NDUFA7: variants seen among roughly 807,000 people sequenced by gnomAD.
NDUFA7 encodes the protein NADH:ubiquinone oxidoreductase subunit A7, also known as NADH dehydrogenase [ubiquinone] 1 alpha subcomplex subunit 7.
NDUFA7 carries 18 observed loss-of-function variants against 14.2 expected under a neutral mutation model. The observed-to-expected ratio is 1.27, with a 90% CI of 0.88 to 1.88. The LOEUF is 1.88. NDUFA7 is among the 40% of genes most tolerant of loss of function. NDUFA7 has a pLI of 0.00. For missense variants in NDUFA7, 172 were observed against 147.3 expected, an observed-to-expected ratio of 1.17 and a Z score of -0.87; for synonymous variants, 75 against 62.1, an observed-to-expected ratio of 1.21 and a Z score of -0.98.
At position 8,321,344 on chromosome 19, in the gene NDUFA7, G is replaced by C. The variant is rs1002075244; in HGVS notation, c.15C>G (p.Thr5=). The change falls in exon 1 of 4, where the codon ACC becomes ACG. Residue 5 remains threonine, a synonymous_variant. Transcript: ENST00000301457. MASA[T]RLIQRLRNWA... ...AGTTCCGCAGCCGCTGGATGAGACG[G>C]GTGGCGGACGCCATCTTCCGTCCGC... The C allele has an allele frequency of 1.1e-5, 17 of 1,577,958 alleles. No individual in the cohort carries two copies. Among genetic ancestry groups the C allele is most frequent in the Non-Finnish European group, 1.5e-5 (17 of 1,164,364 alleles).
At position 8,321,301 on chromosome 19, in the gene NDUFA7, C is replaced by G; in HGVS notation, c.51+7G>C. 2 of 1,566,886 alleles carry G rather than the reference C, an allele frequency of 1.3e-6. No homozygotes were observed. Among genetic ancestry groups the G allele is most frequent in the Non-Finnish European group, 1.7e-6 (2 of 1,159,388 alleles). ...CCCCATGGTGCAGCCCTGTCCGCCC[C>G]GCGCACCCCGGACGCCCAGTTCCGC... On this transcript the variant is annotated splice_region_variant and intron_variant, in intron 1 of 3. Coordinates refer to ENST00000301457, the MANE Select transcript of NDUFA7 (RefSeq NM_005001.5).
At position 8,316,587 on chromosome 19, in the gene NDUFA7, A is replaced by G; in HGVS notation, c.160T>C (p.Tyr54His). 1 of 1,614,158 alleles carries G rather than the reference A, an allele frequency of 6.2e-7. No homozygotes were observed. The highest frequency in any genetic ancestry group is 1.1e-5 in the South Asian group (1 of 91,080). ...GPSHKLSNNY[Y>H]CTRDGRRESV... ...TCCCGGCGGCCATCGCGAGTGCAAT[A>G]GTAATTGTTGGAGAGCTTGTGGCTA... The change falls in exon 3 of 4, where the codon TAT (tyrosine) becomes CAT (histidine). Residue 54 changes from tyrosine to histidine, a missense_variant. Tyr to His is a moderately conservative substitution (Grantham distance 83). Coordinates refer to ENST00000301457, the MANE Select transcript of NDUFA7 (RefSeq NM_005001.5).
chr19:8,315,441 GT>G (rs1970222116), intron 3 of NDUFA7, among the ~76,000 whole-genome samples: 1 of 152,214 alleles, frequency 6.6e-6, no homozygotes, highest in Non-Finnish European at 1.5e-5. Flanking sequence ...AGGCCTGAAG[GT>G]GGGACATGCG....
chr19:8,318,220 G>A (rs915294372), intron 2 of NDUFA7, among the ~76,000 whole-genome samples: 10 of 151,356 alleles, frequency 6.6e-5, no homozygotes, highest in African/African-American at 1.9e-4. Context: ...GTGCGATCTC[G>A]GCTCACTGCA....
chr19:8,312,145 G>A (rs1970185827), intron 3 of NDUFA7, among the ~76,000 whole-genome samples: 2 of 152,212 alleles, frequency 1.3e-5, no homozygotes, highest in African/African-American at 4.8e-5. Flanking sequence ...CTGGCCCAGA[G>A]CTGGCCAAGA....
At chr19:8,321,106 G>T (rs1970301734) in intron 1 of NDUFA7, 200 bp from the exon 2 acceptor site, 1 of 862,794 alleles carries the variant, frequency 1.2e-6, no homozygotes, top group Non-Finnish European at 1.7e-6. Context: ...TAAGAAGGTC[G>T]GGGACTGGGG....
At chr19:8,319,977 C>G (rs1486275936) in intron 2 of NDUFA7, among the ~76,000 whole-genome samples, 14 of 152,146 alleles carry the variant, frequency 9.2e-5, no homozygotes, top group Admixed American at 9.2e-4. Flanking sequence ...TCCCGAGTAG[C>G]TGGGACTACC....
intron 1 of NDUFA7, chr19:8,321,107 G>C: frequency 1.2e-6 from 1 of 868,946 alleles, no homozygotes; most frequent in South Asian, 1.7e-5. Context: ...AAGAAGGTCG[G>C]GGACTGGGGA....
At chr19:8,312,320 C>T (rs1339977186) in intron 3 of NDUFA7, among the ~76,000 whole-genome samples, 1 of 152,186 alleles carries the variant, frequency 6.6e-6, no homozygotes, top group Non-Finnish European at 1.5e-5. Context: ...AGGCACAGGA[C>T]CTCCCAGGAG....
intron 3 of NDUFA7, among the ~76,000 whole-genome samples, chr19:8,314,774 G>A (rs1970214577): frequency 6.6e-6 from 1 of 152,164 alleles, no homozygotes; most frequent in Non-Finnish European, 1.5e-5. Context: ...TTAGCCAGGT[G>A]TAGTGGTGGG....
intron 2 of NDUFA7, among the ~76,000 whole-genome samples, chr19:8,318,418 G>T (rs1970260696): frequency 6.6e-6 from 1 of 151,912 alleles, no homozygotes; most frequent in Non-Finnish European, 1.5e-5. Flanking sequence ...AAAGTGCTGG[G>T]ATTACAGGCA....
At chr19:8,312,454 T>C (rs894305518) in intron 3 of NDUFA7, among the ~76,000 whole-genome samples, 3 of 152,118 alleles carry the variant, frequency 2.0e-5, no homozygotes, top group African/African-American at 7.2e-5. Flanking sequence ...CTCCAGTGAA[T>C]CAGAAGGTGA....
chr19:8,317,188 CCAGAGAGGGG>C (rs1317695382), intron 2 of NDUFA7, among the ~76,000 whole-genome samples: 2 of 152,250 alleles, frequency 1.3e-5, no homozygotes, highest in East Asian at 3.9e-4. Context: ...TCTCTGGAGC[CCAGAGAGGGG>C]TGAACAGAGC....
chr19:8,311,764 G>C (rs80301579), intron 3 of NDUFA7, among the ~76,000 whole-genome samples, 169 bp from the exon 4 acceptor site: 2,360 of 152,252 alleles, frequency 0.016, 62 homozygotes, highest in African/African-American at 0.055. Context: ...CCCCTCAGAG[G>C]ATCAGCCAAC....
intron 3 of NDUFA7, among the ~76,000 whole-genome samples, chr19:8,313,524 C>T (rs920651164): frequency 3.3e-5 from 5 of 152,260 alleles, no homozygotes; most frequent in African/African-American, 1.2e-4. Context: ...GCCACCGCGC[C>T]CAGACCTCAC....
At chr19:8,317,492 G>C (rs923716864) in intron 2 of NDUFA7, among the ~76,000 whole-genome samples, 1 of 152,128 alleles carries the variant, frequency 6.6e-6, no homozygotes, top group Non-Finnish European at 1.5e-5. Context: ...CTGGGCGACA[G>C]AGCGAGACTC....
At chr19:8,309,175 C>G (rs1386123453), downstream of NDUFA7, among the ~76,000 whole-genome samples, 1 of 150,858 alleles carries the variant, frequency 6.6e-6, no homozygotes, top group Non-Finnish European at 1.5e-5. Context: ...CAGTGAGACC[C>G]CATTTGTTAG....
chr19:8,311,668 C>A, intron 3 of NDUFA7, 73 bp from the exon 4 acceptor site: 1 of 1,317,492 alleles, frequency 7.6e-7, no homozygotes, highest in African/African-American at 1.5e-5. Flanking sequence ...CCCACACCTG[C>A]CCCGGGACAA....
In NDUFA7 at chr19:8,321,354, G is replaced by T. The variant is rs866044741; in HGVS notation, c.5C>A (p.Ala2Glu). The change falls in exon 1 of 4, where the codon GCG (alanine) becomes GAG (glutamate). Residue 2 changes from alanine to glutamate, a missense_variant. Physicochemically the swap from Ala to Glu is moderately radical, Grantham distance 107. Transcript: ENST00000301457. ...CCGCTGGATGAGACGGGTGGCGGACGCCATCTTCCGTCCGCGATACTGAAG... is the reference window on the plus strand; with the variant it reads ...CCGCTGGATGAGACGGGTGGCGGACTCCATCTTCCGTCCGCGATACTGAAG... The part of the protein sequence containing the change: M[A>E]SATRLIQRLR... 1 of 1,574,390 alleles carries T rather than the reference G, an allele frequency of 6.4e-7. No individual in the cohort carries two copies. Among genetic ancestry groups the T allele is most frequent in the Non-Finnish European group, 8.6e-7 (1 of 1,162,348 alleles).
Sources: gnomAD v4.1 joint callset for allele counts (sites outside exome capture counted in the v4.1 genomes callset) on GRCh38, gnomAD v4.1.1 for gene constraint, MANE v1.5 for transcripts, NCBI Gene and HGNC (gene_info 2026-07-23, HGNC 2026-07-21) for gene names.